Variants in POLN observed in about 807,000 individuals in gnomAD.
POLN encodes DNA polymerase N.
A neutral mutation model predicts 113.5 loss-of-function variants in POLN; 108 were observed. The ratio of observed to expected loss-of-function variants is 0.95; its 90% confidence interval spans 0.81 to 1.12. The LOEUF (loss-of-function observed/expected upper bound fraction) is 1.12. POLN is among the 50% of genes most tolerant of loss of function. The probability of loss-of-function intolerance (pLI) is 0.00; values close to 1 mark genes in which losing one functional copy is unlikely to be tolerated. For missense variants in POLN, 1,097 were observed against 1,077.1 expected, an observed-to-expected ratio of 1.02 and a Z score of -0.26; for synonymous variants, 386 against 391.5, an observed-to-expected ratio of 0.99 and a Z score of 0.17.
chr4:2,149,501 G>C (rs1419461454), intron 16 of POLN, among the ~76,000 whole-genome samples: 3 of 152,180 alleles, frequency 2.0e-5, no homozygotes, highest in Non-Finnish European at 2.9e-5. Flanking sequence ...AGGGAAATGA[G>C]GGCATTGGAA....
At chr4:2,130,851 G>C (rs1455809876) in intron 17 of POLN, among the ~76,000 whole-genome samples, 1 of 152,124 alleles carries the variant, frequency 6.6e-6, no homozygotes, top group East Asian at 1.9e-4. Flanking sequence ...GAAGCAGTTA[G>C]TTATATAGAA....
intron 6 of POLN, among the ~76,000 whole-genome samples, chr4:2,194,807 G>A (rs925502060): frequency 3.9e-5 from 6 of 152,100 alleles, no homozygotes; most frequent in African/African-American, 1.4e-4. Context: ...TGAGGAGGGA[G>A]AATCACTTGA....
intron 19 of POLN, among the ~76,000 whole-genome samples, chr4:2,105,696 C>G (rs1336546547): frequency 6.6e-6 from 1 of 152,044 alleles, no homozygotes; most frequent in Non-Finnish European, 1.5e-5. Context: ...ATGAATCCAA[C>G]ACATGTACAC....
rs558393207 is a variant in POLN at position 2,127,989 on chromosome 4, T to A, written c.1982+124A>T. 4 of 645,428 alleles carry A rather than the reference T, an allele frequency of 6.2e-6. No homozygotes were observed. The highest frequency in any genetic ancestry group is 8.1e-6 in the Non-Finnish European group (3 of 371,984). 40.0% of individuals were successfully genotyped at this position (645,428 alleles called of 1,614,324 possible). ...TATCTACTCTTCTTTTCAAAATGAT[T>A]AGCTATTAGCCACAAAAAATATAAT... is the stretch of plus-strand genomic sequence containing the variant. On this transcript the variant is annotated intron_variant, in intron 19 of 25. Transcript: ENST00000511885. The surrounding 1 kb of genome is among the most constrained non-coding windows in gnomAD (Gnocchi z 4.7).
At chr4:2,156,198 T>C (rs1435387248) in intron 16 of POLN, among the ~76,000 whole-genome samples, 10 of 152,216 alleles carry the variant, frequency 6.6e-5, no homozygotes, top group Non-Finnish European at 1.5e-4. Flanking sequence ...ACCACAGTTC[T>C]GCACAGTGGA....
rs1174737176 is a variant in POLN, at chr4:2,096,679, CGAGAGAAAGAGAGA to C, written c.1983-760_1983-747del. On this transcript the variant is annotated intron_variant, in intron 19 of 25. Transcript: ENST00000511885. ...GAGTGGGCATCTCAGATTCAGAAGC[CGAGAGAAAGAGAGA>C]GAGAGAGAGAGAGAGAGAGAGAGAG... is the stretch of plus-strand genomic sequence containing the variant. Among the ~76,000 whole-genome samples, 232 of 84,382 alleles carry C rather than the reference CGAGAGAAAGAGAGA, an allele frequency of 2.7e-3. 3 individuals are homozygous for C. Among genetic ancestry groups the C allele is most frequent in the African/African-American group, 9.9e-3 (221 of 22,238 alleles). 55.4% of individuals were successfully genotyped at this position (84,382 alleles called of 152,430 possible).
At chr4:2,177,431 T>C (rs1733024430) in intron 8 of POLN, 3 of 328,150 alleles carry the variant, frequency 9.1e-6, no homozygotes, top group African/African-American at 4.4e-5. Context: ...TTGGAGAGAA[T>C]GGTGTAACCT....
intron 6 of POLN, 99 bp from the exon 7 acceptor site, chr4:2,193,415 T>G: frequency 1.4e-6 from 1 of 695,436 alleles, no homozygotes; most frequent in South Asian, 2.0e-5. Context: ...ATCACTTAGA[T>G]AGCACATACA....
At position 2,168,408 on chromosome 4, in the gene POLN, A is replaced by T. The variant is rs577805131; in HGVS notation, c.1554+2271T>A. Among the ~76,000 whole-genome samples, 13 of 152,390 alleles carry T rather than the reference A, an allele frequency of 8.5e-5. No individual in the cohort carries two copies. In the East Asian group the frequency reaches 1.7e-3, roughly 20 times the overall value. On this transcript the variant is annotated intron_variant, in intron 13 of 25. Coordinates refer to ENST00000511885, the MANE Select transcript of POLN (RefSeq NM_181808.4). ...TCTTGAATTTGGCCACATACCTGGC[A>T]CAAGCCAATCTTTTCACATGCATGA...
intron 2 of POLN, chr4:2,238,938 C>G (rs781365456): frequency 6.2e-7 from 1 of 1,608,844 alleles, no homozygotes; most frequent in Admixed American, 1.7e-5. Flanking sequence ...TCTCTTACCA[C>G]AGCAGGTAAA....
At chr4:2,166,718 G>T (rs1260449032) in intron 13 of POLN, among the ~76,000 whole-genome samples, 1 of 152,104 alleles carries the variant, frequency 6.6e-6, no homozygotes, top group African/African-American at 2.4e-5. Flanking sequence ...CAGAATTCCA[G>T]ACTCTCCCGT....
At chr4:2,172,926 A>T (rs1285587708) in intron 11 of POLN, among the ~76,000 whole-genome samples, 1 of 152,196 alleles carries the variant, frequency 6.6e-6, no homozygotes, top group Non-Finnish European at 1.5e-5. Context: ...TGGGACAGAG[A>T]CACCAAGGGC....
At chr4:2,207,601 A>G (rs182283703) in intron 5 of POLN, among the ~76,000 whole-genome samples, 1 of 152,302 alleles carries the variant, frequency 6.6e-6, no homozygotes, top group East Asian at 1.9e-4. Flanking sequence ...ATCAAAGAAG[A>G]TATATGAATG....
chr4:2,080,745 C>A lies in POLN; in HGVS notation c.2387+213G>T, dbSNP rs1730388872. The A allele has an allele frequency of 9.1e-6, 13 of 1,435,624 alleles. No individual in the cohort carries two copies. In the South Asian group the frequency reaches 1.9e-4, roughly 21 times the overall value. 88.9% of individuals were successfully genotyped at this position (1,435,624 alleles called of 1,614,324 possible). Reference sequence around the variant, plus strand: ...GAGACAGCATTTCTGTCTGGAGAGGCCTCATCTGCACCCCACGCTGGTGGA... The same window carrying A: ...GAGACAGCATTTCTGTCTGGAGAGGACTCATCTGCACCCCACGCTGGTGGA... On this transcript the variant is annotated intron_variant, in intron 23 of 25. Coordinates refer to ENST00000511885, the MANE Select transcript of POLN (RefSeq NM_181808.4).
intron 17 of POLN, 77 bp from the exon 18 acceptor site, chr4:2,129,333 T>G: frequency 3.3e-6 from 3 of 897,584 alleles, no homozygotes; most frequent in Non-Finnish European, 5.5e-6. Flanking sequence ...ACAATATTAT[T>G]TGAATATTAT....
chr4:2,122,385 AC>A (rs1276800898), intron 19 of POLN, among the ~76,000 whole-genome samples: 1 of 152,202 alleles, frequency 6.6e-6, no homozygotes, highest in African/African-American at 2.4e-5. Flanking sequence ...GGGAGGAGGG[AC>A]ACAGAGAAAG....
chr4:2,075,374 TG>T, intron 24 of POLN, 77 bp downstream of exon 24: 1 of 1,486,326 alleles, frequency 6.7e-7, no homozygotes, highest in Admixed American at 1.7e-5. Context: ...GGGGCTTTCC[TG>T]GGCTGTGCCC....
At chr4:2,210,094 CAT>C (rs1021969762) in intron 4 of POLN, among the ~76,000 whole-genome samples, 19 of 151,268 alleles carry the variant, frequency 1.3e-4, no homozygotes, top group Admixed American at 5.3e-4. Flanking sequence ...CACTTGGTCA[CAT>C]GTTATGAAAA....
intron 20 of POLN, among the ~76,000 whole-genome samples, chr4:2,086,865 G>A (rs1730562822): frequency 6.6e-6 from 1 of 152,192 alleles, no homozygotes; most frequent in African/African-American, 2.4e-5. Flanking sequence ...TGGACAGGAT[G>A]GTGCAGAAGC....
Sources: allele counts gnomAD v4.1 joint callset (sites outside exome capture counted in the v4.1 genomes callset), GRCh38; gene constraint gnomAD v4.1.1; non-coding constraint Gnocchi (gnomAD v3.1); transcripts MANE v1.5; gene names NCBI Gene and HGNC (gene_info 2026-07-23, HGNC 2026-07-21).